The following MALRD1 variants were observed in gnomAD, a reference collection of about 807,000 sequenced individuals.
MALRD1 encodes MAM and LDL receptor class A domain containing 1.
A neutral mutation model predicts 242.1 loss-of-function variants in MALRD1; 247 were observed. The ratio of observed to expected loss-of-function variants is 1.02; its 90% CI spans 0.92 to 1.13. The LOEUF (loss-of-function observed/expected upper bound fraction) is 1.13, where lower values mean the gene tolerates loss of function less well. MALRD1 is among the 50% of genes most tolerant of loss of function. MALRD1 has a pLI of 0.00. For synonymous variants in MALRD1, 995 were observed against 866.6 expected, an observed-to-expected ratio of 1.15 and a Z score of -2.60; for missense variants, 2,989 against 2,533.1, an observed-to-expected ratio of 1.18 and a Z score of -3.86.
chr10:19,258,225 A>C (rs2131809461), intron 19 of MALRD1, among the ~76,000 whole-genome samples: 1 of 152,214 alleles, frequency 6.6e-6, no homozygotes, highest in Non-Finnish European at 1.5e-5. Context: ...TAAATGACAT[A>C]TTTTCCAGAT....
At chr10:19,047,141 A>C (rs1267961959), upstream of MALRD1, among the ~76,000 whole-genome samples, 1 of 152,172 alleles carries the variant, frequency 6.6e-6, no homozygotes, top group African/African-American at 2.4e-5. Flanking sequence ...GAATGGATAG[A>C]GTCTTCAACG....
chr10:19,538,377 C>A (rs992102627), intron 32 of MALRD1, among the ~76,000 whole-genome samples: 1 of 152,104 alleles, frequency 6.6e-6, no homozygotes, highest in Admixed American at 6.6e-5. Flanking sequence ...TTAATAAATG[C>A]TTTATTTTCT....
At chr10:19,073,971 G>C (rs1490035112) in intron 2 of MALRD1, among the ~76,000 whole-genome samples, 1 of 152,102 alleles carries the variant, frequency 6.6e-6, no homozygotes, top group Non-Finnish European at 1.5e-5. Flanking sequence ...GGAGAGATGA[G>C]AGAAATGGTA....
chr10:19,136,399 T>C (rs1833341133), intron 9 of MALRD1, among the ~76,000 whole-genome samples, 175 bp from the exon 10 acceptor site: 1 of 152,068 alleles, frequency 6.6e-6, no homozygotes, highest in Non-Finnish European at 1.5e-5. Flanking sequence ...GCAGGTTTGT[T>C]ATGTCAGTCG....
At chr10:19,499,649 G>C (rs117065576) in intron 31 of MALRD1, among the ~76,000 whole-genome samples, 24 of 152,042 alleles carry the variant, frequency 1.6e-4, no homozygotes, top group Non-Finnish European at 3.4e-4. Context: ...TGTTGATTCT[G>C]TTTCTCAGGA....
intron 2 of MALRD1, among the ~76,000 whole-genome samples, chr10:19,085,973 C>T (rs958108997): frequency 7.2e-5 from 11 of 151,856 alleles, no homozygotes; most frequent in African/African-American, 1.2e-4. Context: ...GCTGATTATG[C>T]GTATTTGATT....
In MALRD1 at chr10:19,594,013, C is replaced by A. The variant is rs571037168; in HGVS notation, c.5681-1181C>A. ...GCAGTGTGACAAAACCATAGCGGATCTCTATTTCTGTGGCCCAACCCTGGC... is the reference window on the plus strand; with the variant it reads ...GCAGTGTGACAAAACCATAGCGGATATCTATTTCTGTGGCCCAACCCTGGC... On this transcript the variant is annotated intron_variant, in intron 33 of 39. Transcript: ENST00000454679. Among the ~76,000 whole-genome samples, 71 of 152,282 alleles carry A rather than the reference C, an allele frequency of 4.7e-4. No homozygotes were observed. In the South Asian group the frequency reaches 7.0e-3, roughly 15 times the overall value.
At chr10:19,101,578 A>G (rs1836257854) in intron 4 of MALRD1, among the ~76,000 whole-genome samples, 1 of 136,340 alleles carries the variant, frequency 7.3e-6, no homozygotes, top group Non-Finnish European at 1.5e-5. Context: ...TGTATTATAT[A>G]TAATCTGTAT....
intron 28 of MALRD1, among the ~76,000 whole-genome samples, chr10:19,397,236 C>A (rs7095952): frequency 0.02 from 3,076 of 152,232 alleles, 96 homozygotes; most frequent in African/African-American, 0.07. Context: ...CTCTCCCTAT[C>A]TTCACCTCCC....
intron 32 of MALRD1, among the ~76,000 whole-genome samples, chr10:19,540,768 A>G (rs1268971098): frequency 6.6e-6 from 1 of 152,190 alleles, no homozygotes; most frequent in East Asian, 1.9e-4. Flanking sequence ...AGCAAAAAAT[A>G]TGCAAAGTTG....
At chr10:19,507,942 A>G (rs1833214299) in intron 31 of MALRD1, among the ~76,000 whole-genome samples, 1 of 152,188 alleles carries the variant, frequency 6.6e-6, no homozygotes, top group South Asian at 2.1e-4. Context: ...GCACTATTCT[A>G]GGTGCTTGGA....
intron 2 of MALRD1, among the ~76,000 whole-genome samples, chr10:19,080,870 C>T (rs1005606730): frequency 2.0e-5 from 3 of 151,972 alleles, no homozygotes; most frequent in African/African-American, 4.8e-5. Flanking sequence ...GTCTATTTAT[C>T]CAGCAAAGGT....
intron 12 of MALRD1, among the ~76,000 whole-genome samples, chr10:19,162,918 A>G (rs1834495649): frequency 1.3e-5 from 2 of 151,816 alleles, no homozygotes; most frequent in South Asian, 4.2e-4. Context: ...GGAGTGCTTG[A>G]GTCCAGGAGT....
chr10:19,151,645 C>T (rs918985887), intron 11 of MALRD1, among the ~76,000 whole-genome samples: 3 of 151,990 alleles, frequency 2.0e-5, no homozygotes, highest in Non-Finnish European at 2.9e-5. Flanking sequence ...ACCTTAAGTG[C>T]CATGCTTACT....
chr10:19,477,675 G>A (rs919227224), intron 29 of MALRD1, among the ~76,000 whole-genome samples: 3 of 152,112 alleles, frequency 2.0e-5, no homozygotes, highest in Admixed American at 2.0e-4. Context: ...AGAGAGAGGG[G>A]CTCCCAAGTG....
At chr10:19,595,520 A>G (rs1304782139) in intron 34 of MALRD1, 63 bp downstream of exon 34, 1 of 1,470,360 alleles carries the variant, frequency 6.8e-7, no homozygotes, top group Non-Finnish European at 9.1e-7. Context: ...TGAGAAAGAA[A>G]GCTCGACAGA....
chr10:19,522,795 C>T (rs1006626982), intron 31 of MALRD1, among the ~76,000 whole-genome samples: 9 of 152,094 alleles, frequency 5.9e-5, no homozygotes, highest in Admixed American at 5.9e-4. Flanking sequence ...CAGTATTTGG[C>T]TTTTAACTCA....
chr10:19,654,634 A>G (rs1841059044), intron 36 of MALRD1, among the ~76,000 whole-genome samples: 1 of 152,226 alleles, frequency 6.6e-6, no homozygotes, highest in Admixed American at 6.5e-5. Context: ...CTTTCAGTTG[A>G]ATCTAAAATC....
intron 19 of MALRD1, among the ~76,000 whole-genome samples, chr10:19,261,765 C>A (rs1444479501): frequency 7.9e-6 from 1 of 126,314 alleles, no homozygotes; most frequent in Non-Finnish European, 1.8e-5. Context: ...TTTGGTACTT[C>A]AAAATCAACC....
Sources: allele counts gnomAD v4.1 joint callset (sites outside exome capture counted in the v4.1 genomes callset), GRCh38; gene constraint gnomAD v4.1.1; transcripts MANE v1.5; gene names NCBI Gene and HGNC (gene_info 2026-07-23, HGNC 2026-07-21).